Variants in AGAP1 observed in about 807,000 individuals in gnomAD.
AGAP1 encodes the protein ArfGAP with GTPase domain, ankyrin repeat and PH domain 1.
A neutral mutation model predicts 105.3 loss-of-function variants in AGAP1; 29 were observed. The observed-to-expected ratio is 0.28, with a 90% CI of 0.21 to 0.38. The LOEUF (loss-of-function observed/expected upper bound fraction) is 0.38, where lower values mean the gene tolerates loss of function less well. Among genes scored for constraint, AGAP1 ranks in the 10% least tolerant of loss-of-function variants. The pLI is 1.00. For missense variants in AGAP1, 998 were observed against 1,165.1 expected (o/e 0.86, Z 2.09); for synonymous variants, 509 against 485.9 (o/e 1.05, Z -0.63).
In AGAP1 at chr2:235,635,730, G is replaced by T. The variant is rs907138900; in HGVS notation, c.164-73449G>T. Among the ~76,000 whole-genome samples the T allele has an allele frequency of 1.3e-5, 2 of 152,146 alleles. No individual in the cohort carries two copies. The highest frequency in any genetic ancestry group is 4.8e-5 in the African/African-American group (2 of 41,440). ...GCCACGTTGCCCGGAAGTCTGATGC[G>T]TGAGGCGGGAAGGTTAAAACTTGTT... On this transcript the variant is annotated intron_variant, in intron 1 of 17. Coordinates refer to ENST00000304032, the MANE Select transcript of AGAP1 (RefSeq NM_001037131.3). This position sits in a 1 kb window ranked among gnomAD's most constrained non-coding sequence, Gnocchi z 5.3.
At chr2:235,783,131 C>T (rs2149948498) in intron 6 of AGAP1, among the ~76,000 whole-genome samples, 1 of 151,232 alleles carries the variant, frequency 6.6e-6, no homozygotes, top group African/African-American at 2.4e-5. Context: ...TTCTTAAATA[C>T]CATTTTTCTC....
At chr2:235,915,498 G>T (rs140114508) in intron 11 of AGAP1, among the ~76,000 whole-genome samples, 1 of 151,892 alleles carries the variant, frequency 6.6e-6, no homozygotes, top group Non-Finnish European at 1.5e-5. Flanking sequence ...AGGCAACATG[G>T]TGAAACCCTG....
At position 235,788,358 on chromosome 2, in the gene AGAP1, T is replaced by G. The variant is rs1956774266; in HGVS notation, c.674-9401T>G. Among the ~76,000 whole-genome samples the G allele has an allele frequency of 6.6e-6, 1 of 152,118 alleles. No individual in the cohort carries two copies. The highest frequency in any genetic ancestry group is 2.1e-4 in the South Asian group (1 of 4,820). The stretch of plus-strand genomic sequence containing the variant: ...AATTCAGGAAAGTCCACCAAAAGGA[T>G]AAACAGCTAGGAGCCCACTAGTAAG... On this transcript the variant is annotated intron_variant, in intron 6 of 17. Transcript: ENST00000304032. This position sits in a 1 kb window ranked among gnomAD's most constrained non-coding sequence, Gnocchi z 6.0.
chr2:235,654,111 G>T (rs578186564), intron 1 of AGAP1, among the ~76,000 whole-genome samples: 2 of 152,200 alleles, frequency 1.3e-5, no homozygotes, highest in Non-Finnish European at 2.9e-5. Context: ...AGAAGCAGAA[G>T]AAGAATCTGA....
At chr2:235,507,867 G>T (rs1207352919) in intron 1 of AGAP1, among the ~76,000 whole-genome samples, 1 of 152,006 alleles carries the variant, frequency 6.6e-6, no homozygotes, top group East Asian at 1.9e-4. Flanking sequence ...AGGTAAGTTG[G>T]GTGTCATGGT....
Position 235,644,146 on chromosome 2 carries a change from A to T in AGAP1, c.164-65033A>T, listed in dbSNP as rs1283190066. 3.3e-5 allele frequency among the ~76,000 whole-genome samples: 5 copies of T among 152,128 alleles called. No homozygotes were observed. The East Asian group carries it at 9.6e-4, about 29-fold the overall frequency. Reference sequence around the variant, plus strand: ...CTTGCAGACTTGTAGATGTCATAGGATTATTTGAGCTGCTTCCGCTGCAGG... The same window carrying T: ...CTTGCAGACTTGTAGATGTCATAGGTTTATTTGAGCTGCTTCCGCTGCAGG... On this transcript the variant is annotated intron_variant, in intron 1 of 17. Transcript: ENST00000304032.
intron 6 of AGAP1, among the ~76,000 whole-genome samples, chr2:235,782,619 A>G (rs1956337753): frequency 6.6e-6 from 1 of 152,240 alleles, no homozygotes; most frequent in South Asian, 2.1e-4. Context: ...TTGCAAAAGC[A>G]TCACTAGAAA....
At chr2:235,510,511 C>T (rs1356319424) in intron 1 of AGAP1, among the ~76,000 whole-genome samples, 11 of 152,314 alleles carry the variant, frequency 7.2e-5, no homozygotes, top group East Asian at 1.9e-4. Context: ...TGAACATTCA[C>T]GTGCAAGTCT....
At chr2:235,694,614 C>T (rs138933324) in intron 1 of AGAP1, among the ~76,000 whole-genome samples, 1,909 of 151,894 alleles carry the variant, frequency 0.013, 41 homozygotes, top group African/African-American at 0.042. Flanking sequence ...CGCCACTGCA[C>T]TCCAGCCTCT....
At chr2:235,783,440 A>T in intron 6 of AGAP1, 2 of 468,840 alleles carry the variant, frequency 4.3e-6, no homozygotes, top group Non-Finnish European at 8.8e-6. Flanking sequence ...GGACATCACC[A>T]TGTTCTCATA....
intron 13 of AGAP1, among the ~76,000 whole-genome samples, chr2:235,972,974 C>T (rs1559712723): frequency 4.6e-5 from 7 of 152,056 alleles, no homozygotes; most frequent in Admixed American, 4.6e-4. Context: ...AAGGACCCTG[C>T]GAGAAGGTCT....
intron 1 of AGAP1, among the ~76,000 whole-genome samples, chr2:235,587,563 C>A (rs1034193494): frequency 1.3e-5 from 2 of 151,848 alleles, no homozygotes; most frequent in African/African-American, 2.4e-5. Context: ...ACTAGCCTGG[C>A]CAACATGGTG....
chr2:235,862,540 C>T (rs1196306175), intron 9 of AGAP1, among the ~76,000 whole-genome samples: 1 of 152,228 alleles, frequency 6.6e-6, no homozygotes, highest in Non-Finnish European at 1.5e-5. Flanking sequence ...TTGCAGATGC[C>T]ATCTGCCATC....
intron 13 of AGAP1, among the ~76,000 whole-genome samples, chr2:236,017,431 G>A (rs2056744004): frequency 6.6e-6 from 1 of 151,686 alleles, no homozygotes; most frequent in Admixed American, 6.6e-5. Flanking sequence ...ATGAAAATTT[G>A]TATCCTGAAC....
Position 235,824,330 on chromosome 2 carries a change from A to G in AGAP1, c.1050+16999A>G, listed in dbSNP as rs943449076. ...GATTGACAGTGGCTTTAATTAGTTG[A>G]TTACTAGTTCTTTAAAATGTACTGT... On this transcript the variant is annotated intron_variant, in intron 9 of 17. Transcript: ENST00000304032. This position sits in a 1 kb window ranked among gnomAD's most constrained non-coding sequence, Gnocchi z 5.2. Among the ~76,000 whole-genome samples, 1 of 152,192 alleles carries G rather than the reference A, an allele frequency of 6.6e-6. No individual in the cohort carries two copies. Among genetic ancestry groups the G allele is most frequent in the Non-Finnish European group, 1.5e-5 (1 of 68,038 alleles).
intron 7 of AGAP1, among the ~76,000 whole-genome samples, chr2:235,798,181 G>C (rs1449916865): frequency 6.6e-6 from 1 of 152,046 alleles, no homozygotes; most frequent in Admixed American, 6.6e-5. Flanking sequence ...CCCTTCTCTG[G>C]TCTTGGTCCT....
intron 9 of AGAP1, among the ~76,000 whole-genome samples, chr2:235,849,736 C>T (rs1037471539): frequency 1.3e-5 from 2 of 152,202 alleles, no homozygotes; most frequent in Admixed American, 6.5e-5. Context: ...CTCATGGCCG[C>T]TAGGGCAAGC....
chr2:236,102,284 G>A (rs1007724100), intron 16 of AGAP1, among the ~76,000 whole-genome samples: 3 of 150,872 alleles, frequency 2.0e-5, no homozygotes, highest in South Asian at 4.3e-4. Context: ...GGGCGTGGTG[G>A]CGGGTGCCTG....
At position 235,792,287 on chromosome 2, in the gene AGAP1, C is replaced by T. The variant is rs529111260; in HGVS notation, c.674-5472C>T. 6.6e-6 allele frequency among the ~76,000 whole-genome samples: 1 copy of T among 152,244 alleles called. No individual in the cohort carries two copies. The highest frequency in any genetic ancestry group is 6.5e-5 in the Admixed American group (1 of 15,296). On this transcript the variant is annotated intron_variant, in intron 6 of 17. Transcript: ENST00000304032. This position sits in a 1 kb window ranked among gnomAD's most constrained non-coding sequence, Gnocchi z 5.3. ...GTTCTCTGCCCCCACTTTTCCCCACCCTTCACGTGTCATCTGGTCCCCCAC... is the reference window on the plus strand; with the variant it reads ...GTTCTCTGCCCCCACTTTTCCCCACTCTTCACGTGTCATCTGGTCCCCCAC...
Sources: gnomAD v4.1 joint callset for allele counts (sites outside exome capture counted in the v4.1 genomes callset) on GRCh38, gnomAD v4.1.1 for gene constraint, Gnocchi (gnomAD v3.1) non-coding constraint, MANE v1.5 for transcripts, NCBI Gene and HGNC (gene_info 2026-07-23, HGNC 2026-07-21) for gene names.